C2CD3: variants seen among roughly 807,000 people sequenced by gnomAD.
The protein encoded by C2CD3 is C2 domain containing 3 centriole elongation regulator, also known as C2 domain-containing protein 3.
A neutral mutation model predicts 234.0 loss-of-function variants in C2CD3; 148 were observed. That is an observed-to-expected ratio of 0.63 (90% confidence interval 0.55 to 0.72). C2CD3 has a LOEUF of 0.72. Among genes scored for constraint, C2CD3 ranks in the 30% least tolerant of loss-of-function variants. The pLI, the probability that C2CD3 is intolerant of heterozygous loss-of-function variation, is 0.00. For missense variants in C2CD3, 2,577 were observed against 2,811.5 expected (o/e 0.92, Z 1.89); for synonymous variants, 1,000 against 1,035.4 (o/e 0.97, Z 0.66).
At chr11:74,138,661 A>G (rs1957946772) in intron 5 of C2CD3, 59 bp downstream of exon 5, 4 of 1,393,246 alleles carry the variant, frequency 2.9e-6, no homozygotes. Flanking sequence ...GCTGGCTAAC[A>G]AGCAGAGCAA....
In C2CD3 at chr11:74,098,232, A is replaced by G. The variant is rs1179781750; in HGVS notation, c.2756T>C (p.Leu919Pro). The G allele has an allele frequency of 1.2e-6, 2 of 1,614,136 alleles. No individual in the cohort carries two copies. Among genetic ancestry groups the G allele is most frequent in the Non-Finnish European group, 1.7e-6 (2 of 1,179,964 alleles). Residue 919 changes from leucine (L) to proline (P), a missense_variant, in exon 16 of 33, where the codon CTG becomes CCG. By Grantham distance (98) the Leu-to-Pro change is moderately conservative. Transcript: ENST00000334126. ...AACAACTGGGTACTGGGCATCCAGCAGCAGGCGAGAAATCTTAGCATCTCT... is the reference window on the plus strand; with the variant it reads ...AACAACTGGGTACTGGGCATCCAGCGGCAGGCGAGAAATCTTAGCATCTCT... Reference protein sequence around the residue: ...SFKDAKISRLLLDAQYPVVAV... With the variant: ...SFKDAKISRLPLDAQYPVVAV...
rs570296267 is a variant in C2CD3 at position 74,114,235 on chromosome 11, G to T, written c.1730+149C>A. 38 of 653,560 alleles carry T rather than the reference G, an allele frequency of 5.8e-5. No homozygotes were observed. The African/African-American group carries it at 6.1e-4, about 11-fold the overall frequency. The allele number at this position is 653,560 out of a possible 1,614,324, so 40.5% of individuals were successfully genotyped here. The stretch of plus-strand genomic sequence containing the variant: ...CCATACTTACTTACACAGTTCTTGG[G>T]ATATAGCAGGGATTCAATATATTTC... On this transcript the variant is annotated intron_variant, in intron 10 of 32. Transcript: ENST00000334126.
intron 24 of C2CD3, among the ~76,000 whole-genome samples, chr11:74,071,717 G>C (rs1305065151): frequency 1.3e-5 from 2 of 152,148 alleles, no homozygotes; most frequent in Non-Finnish European, 2.9e-5. Flanking sequence ...TGCCAAATCT[G>C]AAAATCTGAA....
At chr11:74,080,956 T>A (rs1379790498) in intron 22 of C2CD3, among the ~76,000 whole-genome samples, 1 of 152,204 alleles carries the variant, frequency 6.6e-6, no homozygotes, top group East Asian at 1.9e-4. Flanking sequence ...TTGAATCCCA[T>A]ATCAACTTGT....
intron 3 of C2CD3, among the ~76,000 whole-genome samples, chr11:74,146,721 C>T (rs77280477): frequency 3.9e-4 from 31 of 79,146 alleles, no homozygotes; most frequent in African/African-American, 1.9e-3. Flanking sequence ...CACACACACA[C>T]ACACACACAC....
Position 74,033,763 on chromosome 11 carries a change from G to T in C2CD3, c.6397C>A (p.Pro2133Thr). ...LMVKSSFLSSPERAVNPHLPR... is the reference protein window; with the variant it reads ...LMVKSSFLSSTERAVNPHLPR... Reference sequence around the variant, plus strand: ...AGGTGGGGGTTGACAGCCCTTTCTGGGCTGGAGAGAAAGCTACTTTTGACC... The same window carrying T: ...AGGTGGGGGTTGACAGCCCTTTCTGTGCTGGAGAGAAAGCTACTTTTGACC... The change falls in exon 31 of 33, where the codon CCA becomes ACA. Residue 2133 changes from proline to threonine, a missense_variant. Transcript: ENST00000334126. 6.5e-7 allele frequency: 1 copy of T among 1,536,314 alleles called. No homozygotes were observed. The highest frequency in any genetic ancestry group is 8.7e-7 in the Non-Finnish European group (1 of 1,146,954).
At position 74,078,476 on chromosome 11, in the gene C2CD3, C is replaced by T; in HGVS notation, c.4242G>A (p.Leu1414=). The change falls in exon 23 of 33, where the codon CTG becomes CTA. Residue 1414 remains leucine, a synonymous_variant. Transcript: ENST00000334126. ...GCAGCACACAATGGATGGGCAGCCA[C>T]AGCCTTGGGGTGGAGATGGTGACAG... The part of the protein sequence containing the change: ...PATVTISTPR[L]WLPIHCVLLA... 1 of 1,614,204 alleles carries T rather than the reference C, an allele frequency of 6.2e-7. No individual in the cohort carries two copies. Among genetic ancestry groups the T allele is most frequent in the Non-Finnish European group, 8.5e-7 (1 of 1,180,022 alleles).
At chr11:74,133,042 C>T (rs140682584) in intron 6 of C2CD3, 70 bp from the exon 7 acceptor site, 14 of 1,443,142 alleles carry the variant, frequency 9.7e-6, no homozygotes, top group African/African-American at 7.0e-5. Context: ...ATAATCACTT[C>T]GTACATGCAG....
At chr11:74,034,299 C>T in intron 30 of C2CD3, 21 bp from the exon 31 acceptor site, 1 of 1,524,626 alleles carries the variant, frequency 6.6e-7, no homozygotes, top group Non-Finnish European at 8.8e-7. Context: ...ACACATATCA[C>T]TCTTATTACA....
At chr11:74,127,235 G>C (rs936156076) in intron 7 of C2CD3, among the ~76,000 whole-genome samples, 1 of 152,136 alleles carries the variant, frequency 6.6e-6, no homozygotes, top group African/African-American at 2.4e-5. Context: ...TTGAACTCCT[G>C]AGCTAAAGCG....
chr11:74,056,128 C>A (rs772773958), intron 25 of C2CD3, among the ~76,000 whole-genome samples: 2 of 152,224 alleles, frequency 1.3e-5, no homozygotes, highest in African/African-American at 2.4e-5. Context: ...CCCAGCCTCT[C>A]AAATTACAAA....
At chr11:74,089,066 T>C (rs535016061) in intron 20 of C2CD3, among the ~76,000 whole-genome samples, 2 of 152,222 alleles carry the variant, frequency 1.3e-5, no homozygotes, top group African/African-American at 2.4e-5. Flanking sequence ...GATTTATACA[T>C]GAGTAAATAT....
rs771338787 is a variant in C2CD3, at chr11:74,057,560, GT to G, written c.4952-17del. 6.2e-6 allele frequency: 10 copies of G among 1,613,940 alleles called. No homozygotes were observed. The South Asian group carries it at 1.1e-4, about 18-fold the overall frequency. ...AAGGGGCTCCCTGAAATAGAATAAAGTGCAGTGACTGTACTTTAGGGTACAC... is the reference window on the plus strand; with the variant it reads ...AAGGGGCTCCCTGAAATAGAATAAAGGCAGTGACTGTACTTTAGGGTACAC... On this transcript the variant is annotated splice_polypyrimidine_tract_variant and intron_variant, in intron 24 of 32. Coordinates refer to ENST00000334126, the MANE Select transcript of C2CD3 (RefSeq NM_001286577.2).
intron 5 of C2CD3, among the ~76,000 whole-genome samples, chr11:74,137,534 T>A (rs1022051290): frequency 9.2e-6 from 1 of 109,230 alleles, no homozygotes; most frequent in Non-Finnish European, 1.9e-5. Flanking sequence ...AATCTTGGAG[T>A]GTATATATAT....
chr11:74,170,695 C>G (rs1248831512), intron 1 of C2CD3, 43 bp downstream of exon 1: 1 of 1,612,504 alleles, frequency 6.2e-7, no homozygotes, highest in South Asian at 1.1e-5. Context: ...TTACACCCTG[C>G]TCTCCTATTA....
intron 13 of C2CD3, among the ~76,000 whole-genome samples, chr11:74,104,936 C>G: frequency 6.6e-6 from 1 of 152,166 alleles, no homozygotes; most frequent in Non-Finnish European, 1.5e-5. Context: ...ATGAACCAGG[C>G]AGACAAAAAC....
At chr11:74,110,429 C>A (rs1334398815) in intron 11 of C2CD3, 1 of 152,188 alleles carries the variant, frequency 6.6e-6, no homozygotes, top group African/African-American at 2.4e-5. Flanking sequence ...AGGATCTGGA[C>A]CTTGCTATGT....
At chr11:74,073,189 G>C (rs1412558882) in intron 24 of C2CD3, among the ~76,000 whole-genome samples, 1 of 152,084 alleles carries the variant, frequency 6.6e-6, no homozygotes, top group Non-Finnish European at 1.5e-5. Flanking sequence ...AAACACATAG[G>C]ATTACAGAGA....
intron 3 of C2CD3, among the ~76,000 whole-genome samples, chr11:74,148,450 T>C (rs935350629): frequency 6.6e-6 from 1 of 151,790 alleles, no homozygotes; most frequent in African/African-American, 2.4e-5. Flanking sequence ...ATATAAGATA[T>C]ATGTGTGTAT....
Sources: allele counts gnomAD v4.1 joint callset (sites outside exome capture counted in the v4.1 genomes callset), GRCh38; gene constraint gnomAD v4.1.1; transcripts MANE v1.5; gene names NCBI Gene and HGNC (gene_info 2026-07-23, HGNC 2026-07-21).